Variants in PLS1 observed in about 807,000 individuals in gnomAD.
PLS1 encodes the protein plastin-1.
PLS1 carries 32 observed loss-of-function variants against 73.7 expected under a neutral mutation model. That is an observed-to-expected ratio of 0.43 (90% CI 0.33 to 0.58). The LOEUF is 0.58. PLS1 is among the 20% of genes least tolerant of loss of function. The pLI, the probability that PLS1 is intolerant of heterozygous loss-of-function variation, is 0.04. For missense variants in PLS1, 633 were observed against 740.5 expected (o/e 0.85, Z 1.68); for synonymous variants, 217 against 261.3 (o/e 0.83, Z 1.63).
chr3:142,676,703 G>C (rs2037733489), intron 5 of PLS1, among the ~76,000 whole-genome samples: 1 of 152,132 alleles, frequency 6.6e-6, no homozygotes, highest in Non-Finnish European at 1.5e-5. Context: ...ATTCAGCCTT[G>C]TGTTATCCTT....
intron 1 of PLS1, among the ~76,000 whole-genome samples, chr3:142,630,420 C>CAAA (rs71153980): frequency 9.1e-5 from 10 of 110,310 alleles, no homozygotes; most frequent in South Asian, 3.4e-4. Context: ...GACCCTGCCT[C>CAAA]AAAAAAAAAA....
At chr3:142,597,423 A>G (rs1410744137) in intron 1 of PLS1, 2 of 152,140 alleles carry the variant, frequency 1.3e-5, no homozygotes, top group Non-Finnish European at 2.9e-5. Flanking sequence ...GAAATTCTAT[A>G]GTAAAGTGTT....
intron 1 of PLS1, among the ~76,000 whole-genome samples, chr3:142,597,655 G>A (rs952331221): frequency 6.6e-6 from 1 of 152,156 alleles, no homozygotes; most frequent in Non-Finnish European, 1.5e-5. Flanking sequence ...AGCTGCTTCA[G>A]TTTACAAATG....
At chr3:142,708,898 T>A (rs766636992) in intron 14 of PLS1, among the ~76,000 whole-genome samples, 5 of 152,192 alleles carry the variant, frequency 3.3e-5, no homozygotes, top group Admixed American at 2.0e-4. Flanking sequence ...TTTAGAAACT[T>A]AAATTCTTCA....
chr3:142,602,987 C>G (rs2108535474), intron 1 of PLS1, among the ~76,000 whole-genome samples: 1 of 152,348 alleles, frequency 6.6e-6, no homozygotes, highest in South Asian at 2.1e-4. Context: ...CTCATTCTCT[C>G]AACATTCAAA....
At chr3:142,678,187 G>T in intron 6 of PLS1, 74 bp downstream of exon 6, 1 of 657,996 alleles carries the variant, frequency 1.5e-6, no homozygotes, top group South Asian at 3.4e-5. Context: ...TGAATGCTTG[G>T]ACCCAGATAA....
At chr3:142,687,241 CA>C (rs112518015) in intron 9 of PLS1, among the ~76,000 whole-genome samples, 1 of 148,104 alleles carries the variant, frequency 6.8e-6, no homozygotes, top group Non-Finnish European at 1.5e-5. Flanking sequence ...AAAAAAGGTG[CA>C]AAAAAATCTA....
chr3:142,670,920 T>G, intron 3 of PLS1, 73 bp from the exon 4 acceptor site: 1 of 982,918 alleles, frequency 1.0e-6, no homozygotes, highest in South Asian at 1.5e-5. Flanking sequence ...AATAAAGAAG[T>G]GTAAATAAAT....
chr3:142,695,293 G>A (rs193140627), intron 11 of PLS1, among the ~76,000 whole-genome samples: 25 of 152,278 alleles, frequency 1.6e-4, no homozygotes, highest in African/African-American at 5.8e-4. Context: ...GAAGATTAAT[G>A]TCACAACAGG....
At position 142,689,555 on chromosome 3, in the gene PLS1, T is replaced by C. The variant is rs112917757; in HGVS notation, c.982-63T>C. On this transcript the variant is annotated intron_variant, in intron 9 of 15. Transcript: ENST00000457734. ...GGAAAAGTAATTGCTTATAAACATG[T>C]ATACCAATAAAAATTATGCCAATTA... 94 of 898,734 alleles carry C rather than the reference T, an allele frequency of 1.0e-4. 1 individual carries two copies. Among genetic ancestry groups the C allele is most frequent in the South Asian group, 9.3e-4 (41 of 44,118 alleles). 55.7% of individuals were successfully genotyped at this position (898,734 alleles called of 1,614,324 possible). A position where few individuals can be genotyped will look rare whatever the true frequency, so the allele number is the denominator to read the frequency against.
At chr3:142,629,023 T>C (rs2108579121) in intron 1 of PLS1, among the ~76,000 whole-genome samples, 1 of 152,292 alleles carries the variant, frequency 6.6e-6, no homozygotes, top group Non-Finnish European at 1.5e-5. Flanking sequence ...TGTGGACTTG[T>C]TCCTCACACT....
chr3:142,692,797 C>T (rs1318561937), intron 10 of PLS1, among the ~76,000 whole-genome samples: 3 of 151,710 alleles, frequency 2.0e-5, no homozygotes. Context: ...TTTAGATTTT[C>T]CTAGATGGAA....
At chr3:142,601,226 A>G (rs543820726) in intron 1 of PLS1, among the ~76,000 whole-genome samples, 9 of 151,462 alleles carry the variant, frequency 5.9e-5, no homozygotes, top group African/African-American at 1.7e-4. Context: ...CGCCCGGCCT[A>G]TATTTTTTAT....
chr3:142,650,249 C>A (rs746414877), intron 1 of PLS1, among the ~76,000 whole-genome samples: 3 of 112,876 alleles, frequency 2.7e-5, no homozygotes, highest in African/African-American at 6.8e-5. Flanking sequence ...GACTGAGTCT[C>A]GCTCTGTCAC....
chr3:142,659,873 A>G (rs376740550), intron 1 of PLS1, among the ~76,000 whole-genome samples: 35 of 151,880 alleles, frequency 2.3e-4, no homozygotes, highest in African/African-American at 8.2e-4. Context: ...ATTTACTTCC[A>G]CTTTAAGCAC....
In PLS1 at chr3:142,695,132, A is replaced by G. The variant is rs116589648; in HGVS notation, c.1256+585A>G. Among the ~76,000 whole-genome samples, 859 of 152,290 alleles carry G rather than the reference A, an allele frequency of 5.6e-3. 12 individuals carry two copies. The highest frequency in any genetic ancestry group is 0.02 in the African/African-American group (815 of 41,572). On this transcript the variant is annotated intron_variant, in intron 11 of 15. Coordinates refer to ENST00000457734, the MANE Select transcript of PLS1 (RefSeq NM_001145319.2). ...GAAACCATTCTTCTCTCTTTATTAT[A>G]CAATCTACCAGCCTGCCTTGATAAA...
intron 1 of PLS1, among the ~76,000 whole-genome samples, chr3:142,663,632 G>T (rs1411514824): frequency 6.6e-6 from 1 of 152,078 alleles, no homozygotes; most frequent in Non-Finnish European, 1.5e-5. Context: ...CTAGGAGTTC[G>T]GGACTGCAGT....
At chr3:142,690,291 A>G (rs575503868) in intron 10 of PLS1, among the ~76,000 whole-genome samples, 6 of 152,278 alleles carry the variant, frequency 3.9e-5, no homozygotes, top group African/African-American at 1.2e-4. Context: ...GTTTTGCTTC[A>G]TGAAATGCAG....
rs559568318 is a variant in PLS1 at position 142,623,660 on chromosome 3, G to A, written c.-37+27151G>A. 3 of 152,228 alleles carry A rather than the reference G, an allele frequency of 2.0e-5. No individual in the cohort carries two copies. In the East Asian group the frequency reaches 5.8e-4, roughly 29 times the overall value. The allele number at this position is 152,228 out of a possible 1,614,324, so 9.4% of individuals were successfully genotyped here. ...TTAAATTGAGATAAACACCCTCATA[G>A]TATTTCTTTTTTAAATGCATTCTTG... On this transcript the variant is annotated intron_variant, in intron 1 of 15. Transcript: ENST00000457734.
Sources: gnomAD v4.1 joint callset for allele counts (sites outside exome capture counted in the v4.1 genomes callset) on GRCh38, gnomAD v4.1.1 for gene constraint, MANE v1.5 for transcripts, NCBI Gene and HGNC (gene_info 2026-07-23, HGNC 2026-07-21) for gene names.